The following BABAM2 variants were observed in gnomAD, a reference collection of about 807,000 sequenced individuals.
BABAM2 encodes BRISC and BRCA1-A complex member 2.
A neutral mutation model predicts 54.7 loss-of-function variants in BABAM2; 31 were observed. The ratio of observed to expected loss-of-function variants is 0.57; its 90% confidence interval spans 0.43 to 0.77. BABAM2 has a LOEUF of 0.77. BABAM2 is among the 30% of genes least tolerant of loss of function. The pLI is 0.00. For synonymous variants in BABAM2, 167 were observed against 162.9 expected, an observed-to-expected ratio of 1.03 and a Z score of -0.19; for missense variants, 364 against 455.8, an observed-to-expected ratio of 0.80 and a Z score of 1.83.
intron 6 of BABAM2, among the ~76,000 whole-genome samples, chr2:28,099,366 A>G (rs1666878299): frequency 6.6e-6 from 1 of 151,876 alleles, no homozygotes; most frequent in Admixed American, 6.6e-5. Flanking sequence ...CCTCTTGGGG[A>G]GAACCTGACA....
chr2:28,261,824 C>T (rs1317880368), intron 10 of BABAM2, among the ~76,000 whole-genome samples: 1 of 148,214 alleles, frequency 6.7e-6, no homozygotes, highest in Admixed American at 6.7e-5. Flanking sequence ...CAGACCTGAC[C>T]TATGCAATAC....
At chr2:28,113,599 G>T (rs1257851816) in intron 6 of BABAM2, among the ~76,000 whole-genome samples, 1 of 152,118 alleles carries the variant, frequency 6.6e-6, no homozygotes, top group Non-Finnish European at 1.5e-5. Flanking sequence ...CTCCAGCTCT[G>T]TTCTTTTTGC....
At chr2:28,054,885 C>A (rs1678273729) in intron 6 of BABAM2, among the ~76,000 whole-genome samples, 1 of 152,184 alleles carries the variant, frequency 6.6e-6, no homozygotes, top group Non-Finnish European at 1.5e-5. Flanking sequence ...TAATACACTT[C>A]TGAGCTTGGT....
At chr2:28,319,967 G>A (rs1401443728) in intron 11 of BABAM2, among the ~76,000 whole-genome samples, 1 of 152,182 alleles carries the variant, frequency 6.6e-6, no homozygotes, top group African/African-American at 2.4e-5. Context: ...ATTCCACCGG[G>A]ACACCCACCC....
intron 5 of BABAM2, among the ~76,000 whole-genome samples, chr2:28,036,049 G>A (rs1472981925): frequency 2.0e-5 from 3 of 152,056 alleles, no homozygotes; most frequent in South Asian, 2.1e-4. Flanking sequence ...CTCTAATTGC[G>A]CCCCCTTACT....
intron 10 of BABAM2, among the ~76,000 whole-genome samples, chr2:28,265,689 A>T (rs934517641): frequency 6.6e-6 from 1 of 152,136 alleles, no homozygotes; most frequent in African/African-American, 2.4e-5. Context: ...ACACTCAGCT[A>T]ACTTCCCTAC....
rs555382623 is a variant in BABAM2, at chr2:28,199,408, T to C, written c.681-37794T>C. Among the ~76,000 whole-genome samples, 9 of 152,376 alleles carry C rather than the reference T, an allele frequency of 5.9e-5. No homozygotes were observed. In the East Asian group the frequency reaches 1.7e-3, roughly 29 times the overall value. ...AGTGGCTGTGGATTTTTCTAGCAGA[T>C]GACAGTCTTTGTTTTGAAATTTTAA... On this transcript the variant is annotated intron_variant, in intron 7 of 11. Coordinates refer to ENST00000379624, the MANE Select transcript of BABAM2 (RefSeq NM_199191.3).
At chr2:27,925,405 C>G (rs1667615781) in intron 2 of BABAM2, among the ~76,000 whole-genome samples, 1 of 152,126 alleles carries the variant, frequency 6.6e-6, no homozygotes, top group African/African-American at 2.4e-5. Flanking sequence ...TTACCCTAGT[C>G]CAAGGATCCA....
At chr2:27,965,393 T>C (rs561314649) in intron 3 of BABAM2, among the ~76,000 whole-genome samples, 3 of 152,244 alleles carry the variant, frequency 2.0e-5, no homozygotes, top group African/African-American at 7.2e-5. Context: ...TGAACTCTTA[T>C]GTACCTATCA....
intron 3 of BABAM2, among the ~76,000 whole-genome samples, chr2:27,938,844 G>A (rs1031321191): frequency 6.6e-6 from 1 of 152,110 alleles, no homozygotes; most frequent in Non-Finnish European, 1.5e-5. Flanking sequence ...AAAGGGTAAT[G>A]GCTAACTCAG....
intron 6 of BABAM2, among the ~76,000 whole-genome samples, chr2:28,124,906 A>G (rs1003174426): frequency 4.6e-5 from 7 of 152,236 alleles, no homozygotes; most frequent in African/African-American, 1.7e-4. Flanking sequence ...TAACTCTGCA[A>G]AAATCTAAAT....
chr2:27,926,583 T>A (rs1667722744), intron 2 of BABAM2, among the ~76,000 whole-genome samples: 1 of 152,214 alleles, frequency 6.6e-6, no homozygotes, highest in Admixed American at 6.5e-5. Context: ...ATTTTCCTCA[T>A]AGCATTTAGC....
intron 7 of BABAM2, among the ~76,000 whole-genome samples, chr2:28,226,125 T>C (rs557156032): frequency 6.6e-6 from 1 of 152,316 alleles, no homozygotes; most frequent in East Asian, 1.9e-4. Context: ...ATAAACAAAA[T>C]GTTGTTGGAA....
intron 7 of BABAM2, among the ~76,000 whole-genome samples, chr2:28,139,534 A>G (rs1343361139): frequency 1.3e-5 from 2 of 151,958 alleles, no homozygotes; most frequent in Admixed American, 6.6e-5. Flanking sequence ...GCACCACTGC[A>G]CTCCAGCCTG....
intron 11 of BABAM2, chr2:28,309,911 C>T: frequency 3.2e-6 from 2 of 629,962 alleles, no homozygotes; most frequent in Non-Finnish European, 5.6e-6. Context: ...TCACCAAGGC[C>T]TTCCATTCCG....
chr2:27,891,003 C>T (rs1664784106), intron 1 of BABAM2, 161 bp downstream of exon 1: 1 of 152,554 alleles, frequency 6.6e-6, no homozygotes, highest in South Asian at 2.1e-4. Flanking sequence ...CTGATTCCCT[C>T]AAGAACGAGC....
At chr2:28,170,718 C>T (rs939111001) in intron 7 of BABAM2, among the ~76,000 whole-genome samples, 1 of 151,994 alleles carries the variant, frequency 6.6e-6, no homozygotes, top group East Asian at 1.9e-4. Context: ...GATTAGAGGG[C>T]TTTTTGTTGT....
chr2:28,067,443 T>G (rs1663708366), intron 6 of BABAM2, among the ~76,000 whole-genome samples: 1 of 152,216 alleles, frequency 6.6e-6, no homozygotes, highest in Non-Finnish European at 1.5e-5. Context: ...TGTGTCTTCC[T>G]CAATCTGTAA....
chr2:28,130,099 T>C (rs1449056927), intron 7 of BABAM2, among the ~76,000 whole-genome samples: 1 of 152,216 alleles, frequency 6.6e-6, no homozygotes, highest in Admixed American at 6.5e-5. Context: ...TGGGAACTTC[T>C]GACAGGACAG....
Sources: gnomAD v4.1 joint callset for allele counts (sites outside exome capture counted in the v4.1 genomes callset) on GRCh38, gnomAD v4.1.1 for gene constraint, MANE v1.5 for transcripts, NCBI Gene and HGNC (gene_info 2026-07-23, HGNC 2026-07-21) for gene names.